USP7: variants seen among roughly 807,000 people sequenced by gnomAD.
USP7 encodes ubiquitin specific peptidase 7.
A neutral mutation model predicts 162.9 loss-of-function variants in USP7; 9 were observed. The ratio of observed to expected loss-of-function variants is 0.06; its 90% CI spans 0.03 to 0.10. The LOEUF (loss-of-function observed/expected upper bound fraction) is 0.10, where lower values mean the gene tolerates loss of function less well. Among genes scored for constraint, USP7 ranks in the 10% least tolerant of loss-of-function variants. The pLI is 1.00. For synonymous variants in USP7, 562 were observed against 475.9 expected (o/e 1.18, Z -2.35); for missense variants, 715 against 1,373.7 (o/e 0.52, Z 7.58).
chr16:8,956,770 C>CA (rs1399556254), intron 1 of USP7, among the ~76,000 whole-genome samples: 12 of 130,652 alleles, frequency 9.2e-5, no homozygotes, highest in Middle Eastern at 4.2e-3. Context: ...ATTAAAAAAA[C>CA]AAAAACAAAA....
intron 18 of USP7, 105 bp from the exon 19 acceptor site, chr16:8,901,339 G>T: frequency 1.4e-6 from 1 of 736,974 alleles, no homozygotes; most frequent in East Asian, 2.6e-5. Flanking sequence ...AAAACAGTAA[G>T]CTGAATAGCT....
chr16:8,937,470 A>T (rs532513598), intron 1 of USP7, among the ~76,000 whole-genome samples: 1 of 152,326 alleles, frequency 6.6e-6, no homozygotes, highest in African/African-American at 2.4e-5. Context: ...TGAACCCAGG[A>T]GGCGGAGGTT....
chr16:8,899,879 G>T, intron 21 of USP7, 122 bp from the exon 22 acceptor site: 1 of 1,258,654 alleles, frequency 7.9e-7, no homozygotes, highest in Non-Finnish European at 1.1e-6. Flanking sequence ...ATAAATTCAG[G>T]TTCCCCTTTG....
At chr16:8,903,754 CT>C (rs1410597907) in intron 15 of USP7, among the ~76,000 whole-genome samples, 1 of 151,642 alleles carries the variant, frequency 6.6e-6, no homozygotes, top group Non-Finnish European at 1.5e-5. Flanking sequence ...GTAATCCCAG[CT>C]ACTAGGAAGG....
In USP7 at chr16:8,905,550, C is replaced by A. The variant is rs182193886; in HGVS notation, c.1429-219G>T. 2.0e-3 allele frequency among the ~76,000 whole-genome samples: 298 copies of A among 152,324 alleles called. 2 individuals are homozygous for A. Among genetic ancestry groups the A allele is most frequent in the Non-Finnish European group, 1.6e-3 (106 of 68,028 alleles). ...CAATTCACCAGGACCTTCGCAGTCCCCATTCAACATTCTGTGGGCACTGCT... is the reference window on the plus strand; with the variant it reads ...CAATTCACCAGGACCTTCGCAGTCCACATTCAACATTCTGTGGGCACTGCT... On this transcript the variant is annotated intron_variant, in intron 13 of 30. Transcript: ENST00000344836.
At chr16:8,936,540 T>C (rs1898736585) in intron 1 of USP7, 3 of 1,497,758 alleles carry the variant, frequency 2.0e-6, no homozygotes, top group Non-Finnish European at 1.8e-6. Context: ...GTTATCTCCA[T>C]CCATCACCAG....
intron 2 of USP7, among the ~76,000 whole-genome samples, chr16:8,926,381 A>G (rs1596385866): frequency 1.3e-5 from 2 of 152,208 alleles, no homozygotes; most frequent in East Asian, 1.9e-4. Flanking sequence ...TGGGAGGTCG[A>G]GGCAGGAGAA....
At position 8,893,840 on chromosome 16, in the gene USP7, C is replaced by G. The variant is rs1373176869; in HGVS notation, c.*158G>C. The G allele has an allele frequency of 9.3e-6, 6 of 647,174 alleles. No homozygotes were observed. Among genetic ancestry groups the G allele is most frequent in the East Asian group, 5.4e-5 (2 of 36,806 alleles). 40.1% of individuals were successfully genotyped at this position (647,174 alleles called of 1,614,324 possible). A position where few individuals can be genotyped will look rare whatever the true frequency, so the allele number is the denominator to read the frequency against. ...GCTCAAAAAGGGCAGTCAATAGATA[C>G]AGAGAAGCCAAACTGAACAGCCTCA... On this transcript the variant is annotated 3_prime_UTR_variant, in exon 31 of 31. Transcript: ENST00000344836.
intron 10 of USP7, among the ~76,000 whole-genome samples, chr16:8,913,254 C>T (rs1276460458): frequency 6.6e-6 from 1 of 152,078 alleles, no homozygotes; most frequent in Non-Finnish European, 1.5e-5. Context: ...TACTTGTGAG[C>T]CTAAGGCAGG....
intron 15 of USP7, among the ~76,000 whole-genome samples, chr16:8,904,168 G>A (rs1455751837): frequency 5.3e-5 from 8 of 152,194 alleles, no homozygotes; most frequent in Admixed American, 5.2e-4. Context: ...CAACAGTCCC[G>A]GTTTGTGTAT....
intron 1 of USP7, among the ~76,000 whole-genome samples, chr16:8,951,569 G>C (rs897339798): frequency 5.9e-5 from 9 of 152,180 alleles, no homozygotes; most frequent in Non-Finnish European, 1.2e-4. Flanking sequence ...CAGAGGGCTT[G>C]TGGGCATGAG....
In USP7 at chr16:8,938,870, G is replaced by A. The variant is rs571385476; in HGVS notation, c.80-8473C>T. On this transcript the variant is annotated intron_variant, in intron 1 of 30. Transcript: ENST00000344836. ...CGTAGAGATAATTTAAACTATATAG[G>A]AAGATGTGTGAAGATTATATGCAAA... 3.9e-5 allele frequency among the ~76,000 whole-genome samples: 6 copies of A among 152,216 alleles called. No individual in the cohort carries two copies. In the South Asian group the frequency reaches 1.2e-3, roughly 32 times the overall value.
intron 22 of USP7, 86 bp from the exon 23 acceptor site, chr16:8,899,274 A>G: frequency 7.5e-7 from 1 of 1,328,100 alleles, no homozygotes; most frequent in Admixed American, 1.9e-5. Flanking sequence ...AAAATGTGCC[A>G]TGAGCAGCCT....
At chr16:8,937,642 C>T (rs914486072) in intron 1 of USP7, among the ~76,000 whole-genome samples, 1 of 151,952 alleles carries the variant, frequency 6.6e-6, no homozygotes, top group Non-Finnish European at 1.5e-5. Flanking sequence ...GGCTGCACCA[C>T]TGCCATTCCA....
In USP7 at chr16:8,893,969, T is replaced by C. The variant is rs2061643436; in HGVS notation, c.*29A>G. ...CTGTTAAGGGGCCACCCACACACCG[T>C]CCTCGCCTTGAACACACCAGCTTGG... On this transcript the variant is annotated 3_prime_UTR_variant, in exon 31 of 31. Transcript: ENST00000344836. The C allele has an allele frequency of 6.2e-7, 1 of 1,608,368 alleles. No individual in the cohort carries two copies. The highest frequency in any genetic ancestry group is 8.5e-7 in the Non-Finnish European group (1 of 1,174,716).
intron 7 of USP7, 129 bp from the exon 8 acceptor site, chr16:8,916,685 T>G: frequency 1.0e-6 from 1 of 968,814 alleles, no homozygotes; most frequent in South Asian, 1.7e-5. Flanking sequence ...CTGTGAAGAT[T>G]ATTTTTGGGA....
chr16:8,918,919 G>C, intron 6 of USP7, 112 bp downstream of exon 6: 1 of 1,022,840 alleles, frequency 9.8e-7, no homozygotes, highest in Non-Finnish European at 1.5e-6. Context: ...GCCATCTGAG[G>C]AGACAGGGCC....
intron 1 of USP7, among the ~76,000 whole-genome samples, chr16:8,943,017 CAGTGGAGCCTGAGTGTTCAA>C (rs1386194149): frequency 1.3e-5 from 2 of 152,138 alleles, no homozygotes; most frequent in Non-Finnish European, 2.9e-5. Context: ...GGCTTTAAGG[CAGTGGAGCCTGAGTGTTCAA>C]AGTGGACCCA....
In USP7 at chr16:8,917,109, G is replaced by T. The variant is rs752149478; in HGVS notation, c.768C>A (p.Val256=). 6 of 1,613,444 alleles carry T rather than the reference G, an allele frequency of 3.7e-6. No individual in the cohort carries two copies. The South Asian group carries it at 5.5e-5, about 15-fold the overall frequency. Residue 256 remains valine, a synonymous_variant, in exon 7 of 31, where the codon GTC becomes GTA. Coordinates refer to ENST00000344836, the MANE Select transcript of USP7 (RefSeq NM_003470.3). The stretch of plus-strand genomic sequence containing the variant: ...AGAACACTCTTTGTAATGCTAAAGG[G>T]ACGCTTTTAGACGAATCATCCCCCT... ...PTEGDDSSKS[V]PLALQRVFYE...
Sources: gnomAD v4.1 joint callset for allele counts (sites outside exome capture counted in the v4.1 genomes callset) on GRCh38, gnomAD v4.1.1 for gene constraint, MANE v1.5 for transcripts, NCBI Gene and HGNC (gene_info 2026-07-23, HGNC 2026-07-21) for gene names.